The following RIMS2 variants were observed in gnomAD, a reference collection of about 807,000 sequenced individuals.
The protein encoded by RIMS2 is regulating synaptic membrane exocytosis protein 2.
A neutral mutation model predicts 174.4 loss-of-function variants in RIMS2; 59 were observed. That is an observed-to-expected ratio of 0.34 (90% CI 0.27 to 0.42). The LOEUF is 0.42. Among genes scored for constraint, RIMS2 ranks in the 10% least tolerant of loss-of-function variants. The pLI is 1.00. For synonymous variants in RIMS2, 606 were observed against 572.5 expected, an observed-to-expected ratio of 1.06 and a Z score of -0.84; for missense variants, 1,620 against 1,666.3, an observed-to-expected ratio of 0.97 and a Z score of 0.48.
chr8:104,076,736 T>C (rs1427950627), intron 19 of RIMS2, among the ~76,000 whole-genome samples: 1 of 152,118 alleles, frequency 6.6e-6, no homozygotes, highest in Non-Finnish European at 1.5e-5. Flanking sequence ...CTTGGGCAAG[T>C]TACTTAACAT....
chr8:103,639,609 G>C (rs2096178754), intron 1 of RIMS2, among the ~76,000 whole-genome samples: 1 of 151,814 alleles, frequency 6.6e-6, no homozygotes, highest in Admixed American at 6.6e-5. Flanking sequence ...TAGTCATGCT[G>C]TTCATATCAG....
chr8:104,054,923 A>G (rs2096844043), intron 19 of RIMS2, among the ~76,000 whole-genome samples: 1 of 152,116 alleles, frequency 6.6e-6, no homozygotes, highest in Non-Finnish European at 1.5e-5. Flanking sequence ...TATATCTAAC[A>G]ACTAATACTT....
intron 19 of RIMS2, among the ~76,000 whole-genome samples, chr8:104,130,543 G>A (rs932976947): frequency 1.3e-5 from 2 of 152,054 alleles, no homozygotes; most frequent in Non-Finnish European, 2.9e-5. Flanking sequence ...TCTCAAAATG[G>A]GCTTGGGAGC....
chr8:103,599,907 C>G (rs1480409193), intron 1 of RIMS2, among the ~76,000 whole-genome samples: 1 of 152,134 alleles, frequency 6.6e-6, no homozygotes, highest in Non-Finnish European at 1.5e-5. Context: ...TCCAATTATA[C>G]TCTTGTAGTT....
At chr8:104,245,087 C>T in intron 20 of RIMS2, 30 bp downstream of exon 26, 6 of 1,608,924 alleles carry the variant, frequency 3.7e-6, no homozygotes, top group Non-Finnish European at 4.2e-6. Context: ...ATGTGTGTCT[C>T]CTCCGTGCCT....
In RIMS2 at chr8:104,007,736, T is replaced by A. The variant is rs976111061; in HGVS notation, c.3045-5706T>A. Among the ~76,000 whole-genome samples the A allele has an allele frequency of 3.9e-5, 6 of 152,244 alleles. No individual in the cohort carries two copies. The Middle Eastern group carries it at 0.01, about 259-fold the overall frequency. Reference sequence around the variant, plus strand: ...TGCTTTTTTTGTGTTTCCAATAAATTGGTATTGAATGTTGAGATCATATGA... The same window carrying A: ...TGCTTTTTTTGTGTTTCCAATAAATAGGTATTGAATGTTGAGATCATATGA... On this transcript the variant is annotated intron_variant, in intron 17 of 23. Coordinates refer to ENST00000504942, the Ensembl canonical transcript of RIMS2.
intron 3 of RIMS2, among the ~76,000 whole-genome samples, chr8:103,767,409 A>G (rs1052763687): frequency 3.3e-5 from 5 of 152,014 alleles, no homozygotes; most frequent in Non-Finnish European, 7.4e-5. Context: ...TATGGTCTCA[A>G]TCTCATGACC....
intron 19 of RIMS2, among the ~76,000 whole-genome samples, chr8:104,207,180 A>T (rs2099084269): frequency 6.6e-6 from 1 of 152,204 alleles, no homozygotes; most frequent in African/African-American, 2.4e-5. Flanking sequence ...TCTTGTTTTA[A>T]GATGACTAAT....
intron 3 of RIMS2, among the ~76,000 whole-genome samples, chr8:103,837,999 T>C (rs1192531844): frequency 3.3e-5 from 5 of 149,660 alleles, no homozygotes. Flanking sequence ...CAGGCTGGAG[T>C]GCAGTGGCAG....
chr8:103,547,524 G>T (rs1048672885), intron 1 of RIMS2, among the ~76,000 whole-genome samples: 7 of 152,260 alleles, frequency 4.6e-5, no homozygotes, highest in Non-Finnish European at 5.9e-5. Context: ...TAAGAGGGAA[G>T]TTTGTAGTGC....
At chr8:103,608,102 G>A (rs1262131786) in intron 1 of RIMS2, among the ~76,000 whole-genome samples, 3 of 149,726 alleles carry the variant, frequency 2.0e-5, no homozygotes, top group Non-Finnish European at 4.4e-5. Flanking sequence ...CAGTTTTTCT[G>A]TTCTGTTTTT....
At chr8:103,982,675 A>T (rs1339125851) in intron 16 of RIMS2, among the ~76,000 whole-genome samples, 1 of 152,176 alleles carries the variant, frequency 6.6e-6, no homozygotes, top group Admixed American at 6.6e-5. Context: ...ATTGTTTCTG[A>T]AAAAGCATTT....
chr8:103,698,243 G>A (rs1305597072), intron 2 of RIMS2, among the ~76,000 whole-genome samples: 1 of 151,548 alleles, frequency 6.6e-6, no homozygotes, highest in Non-Finnish European at 1.5e-5. Flanking sequence ...TTTTTTTCTT[G>A]ACTAGGTACA....
At chr8:103,622,565 C>A (rs1401390390) in intron 1 of RIMS2, among the ~76,000 whole-genome samples, 1 of 152,104 alleles carries the variant, frequency 6.6e-6, no homozygotes, top group Non-Finnish European at 1.5e-5. Context: ...ACCCAATATA[C>A]CCTATGATTA....
At chr8:103,858,270 A>T (rs2099038869) in intron 3 of RIMS2, among the ~76,000 whole-genome samples, 1 of 152,148 alleles carries the variant, frequency 6.6e-6, no homozygotes, top group African/African-American at 2.4e-5. Flanking sequence ...CACAGTGAAT[A>T]CTGTTTTAAC....
intron 4 of RIMS2, among the ~76,000 whole-genome samples, chr8:103,899,579 T>C (rs996752917): frequency 2.6e-5 from 4 of 151,606 alleles, no homozygotes; most frequent in African/African-American, 9.8e-5. Context: ...GGTTTTTTTC[T>C]TGTAAATTTG....
At chr8:103,571,328 G>A (rs9297334) in intron 1 of RIMS2, among the ~76,000 whole-genome samples, 27,724 of 152,014 alleles carry the variant, frequency 0.18, 2,776 homozygotes, top group African/African-American at 0.26. Context: ...TACCTTTCCA[G>A]CCACATTTGC....
chr8:103,630,802 C>A (rs2135188439), intron 1 of RIMS2, among the ~76,000 whole-genome samples: 1 of 151,704 alleles, frequency 6.6e-6, no homozygotes, highest in Middle Eastern at 3.4e-3. Context: ...AAAAAGGAAC[C>A]AAAAAAAGAA....
At chr8:103,599,894 C>T (rs2094639422) in intron 1 of RIMS2, among the ~76,000 whole-genome samples, 1 of 152,090 alleles carries the variant, frequency 6.6e-6, no homozygotes, top group Non-Finnish European at 1.5e-5. Context: ...GTGTTACAAA[C>T]CATCCAATTA....
Sources: gnomAD v4.1 joint callset for allele counts (sites outside exome capture counted in the v4.1 genomes callset) on GRCh38, gnomAD v4.1.1 for gene constraint, MANE v1.5 for transcripts, NCBI Gene and HGNC (gene_info 2026-07-23, HGNC 2026-07-21) for gene names.